Variants in ADAMTSL1 observed in about 807,000 individuals in gnomAD.
ADAMTSL1 encodes the protein ADAMTS-like protein 1.
ADAMTSL1 carries 126 observed loss-of-function variants against 201.8 expected under a neutral mutation model. That is an observed-to-expected ratio of 0.62 (90% CI 0.54 to 0.72). ADAMTSL1 has a LOEUF of 0.72. ADAMTSL1 is among the 30% of genes least tolerant of loss of function. The probability of loss-of-function intolerance (pLI) is 0.00; values close to 1 mark genes in which losing one functional copy is unlikely to be tolerated. For synonymous variants in ADAMTSL1, 1,121 were observed against 903.4 expected, an observed-to-expected ratio of 1.24 and a Z score of -4.32; for missense variants, 2,679 against 2,277.8, an observed-to-expected ratio of 1.18 and a Z score of -3.59.
intron 1 of ADAMTSL1, among the ~76,000 whole-genome samples, chr9:18,491,461 G>A (rs1476798537): frequency 6.6e-5 from 10 of 152,168 alleles, no homozygotes; most frequent in East Asian, 1.9e-4. Context: ...ATGCTTACAC[G>A]TTGAAAGCAC....
Position 18,910,485 on chromosome 9 carries a change from A to AACTC in ADAMTSL1, c.*1938_*1941dup, listed in dbSNP as rs1830541802. 1 of 152,206 alleles carries AACTC rather than the reference A, an allele frequency of 6.6e-6. No homozygotes were observed. The highest frequency in any genetic ancestry group is 6.5e-5 in the Admixed American group (1 of 15,290). 9.4% of individuals were successfully genotyped at this position (152,206 alleles called of 1,614,324 possible). ...CTATTTTTAATAGAACCTGGTGTTT[A>AACTC]ACTCTGGATCCATTCACTGTACAGG... is the stretch of plus-strand genomic sequence containing the variant. On this transcript the variant is annotated 3_prime_UTR_variant, in exon 29 of 29. Coordinates refer to ENST00000380548, the MANE Select transcript of ADAMTSL1 (RefSeq NM_001040272.6).
chr9:18,473,041 C>A (rs896144985), upstream of ADAMTSL1, among the ~76,000 whole-genome samples: 1 of 152,160 alleles, frequency 6.6e-6, no homozygotes, highest in South Asian at 2.1e-4. Context: ...CTGGCCTTGT[C>A]GTCATTTCAC....
At chr9:18,772,977 G>T (rs986289354) in intron 17 of ADAMTSL1, among the ~76,000 whole-genome samples, 5 of 152,172 alleles carry the variant, frequency 3.3e-5, no homozygotes, top group African/African-American at 1.2e-4. Flanking sequence ...TCACTGAATT[G>T]TTGGGATTAA....
At chr9:18,432,950 G>A (rs1819561543) in intron 2 of ADAMTSL1, among the ~76,000 whole-genome samples, 1 of 152,018 alleles carries the variant, frequency 6.6e-6, no homozygotes, top group South Asian at 2.1e-4. Context: ...ACTATGTAGA[G>A]GTTTTAATTT....
At chr9:18,186,832 A>AACAC (rs35993162) in intron 2 of ADAMTSL1, among the ~76,000 whole-genome samples, 196 of 149,630 alleles carry the variant, frequency 1.3e-3, no homozygotes, top group Middle Eastern at 3.5e-3. Flanking sequence ...ATCACTGTAC[A>AACAC]ACACACACAC....
At chr9:18,062,879 T>A (rs901961528) in intron 1 of ADAMTSL1, among the ~76,000 whole-genome samples, 29 of 152,326 alleles carry the variant, frequency 1.9e-4, no homozygotes, top group African/African-American at 7.0e-4. Flanking sequence ...CATGACCTCC[T>A]CCTTGGTTTT....
At chr9:18,319,197 A>C (rs1252647743) in intron 2 of ADAMTSL1, among the ~76,000 whole-genome samples, 5 of 152,128 alleles carry the variant, frequency 3.3e-5, no homozygotes, top group Non-Finnish European at 7.3e-5. Context: ...TGAGACCCCA[A>C]CTCTATTTAA....
intron 2 of ADAMTSL1, among the ~76,000 whole-genome samples, chr9:18,443,096 C>A (rs1270267993): frequency 6.6e-6 from 1 of 152,152 alleles, no homozygotes; most frequent in Non-Finnish European, 1.5e-5. Flanking sequence ...CCTGGATATA[C>A]CTCTCTCCAA....
At chr9:18,080,564 G>T (rs140471580) in intron 1 of ADAMTSL1, among the ~76,000 whole-genome samples, 1 of 152,186 alleles carries the variant, frequency 6.6e-6, no homozygotes, top group Non-Finnish European at 1.5e-5. Context: ...CTGGCTCTGC[G>T]ATCTGGGATA....
intron 1 of ADAMTSL1, among the ~76,000 whole-genome samples, chr9:18,031,685 T>C (rs1820962219): frequency 6.6e-6 from 1 of 152,180 alleles, no homozygotes; most frequent in African/African-American, 2.4e-5. Flanking sequence ...TGGAGCCTTT[T>C]CCAATCGTTG....
rs550479450 is a variant in ADAMTSL1 at position 18,805,819 on chromosome 9, A to T, written c.3805+10295A>T. On this transcript the variant is annotated intron_variant, in intron 20 of 28. Coordinates refer to ENST00000380548, the MANE Select transcript of ADAMTSL1 (RefSeq NM_001040272.6). ...TCATTAGATTTGGCTTCAGGATCTC[A>T]AACCTGTTTGCTGTTCGTGGGCCCT... Among the ~76,000 whole-genome samples, 5 of 152,174 alleles carry T rather than the reference A, an allele frequency of 3.3e-5. 1 individual carries two copies. Among genetic ancestry groups the T allele is most frequent in the Non-Finnish European group, 7.3e-5 (5 of 68,034 alleles).
intron 2 of ADAMTSL1, among the ~76,000 whole-genome samples, chr9:18,239,034 A>T (rs1830956493): frequency 6.6e-6 from 1 of 152,234 alleles, no homozygotes; most frequent in African/African-American, 2.4e-5. Context: ...TAATAGCATT[A>T]TGTCTATAAA....
At chr9:18,165,712 C>G (rs1827599661) in intron 2 of ADAMTSL1, among the ~76,000 whole-genome samples, 1 of 151,874 alleles carries the variant, frequency 6.6e-6, no homozygotes, top group Non-Finnish European at 1.5e-5. Context: ...TCTCAACTAC[C>G]AGAAGCTACT....
At position 18,757,196 on chromosome 9, in the gene ADAMTSL1, C is replaced by CT. The variant is rs1819821193; in HGVS notation, c.2217+3691dup. Reference sequence around the variant, plus strand: ...TTTATCCTTACCAATTTATTAATAGCTTTAATATCTTGTTAGTTTATATTT... The same window carrying CT: ...TTTATCCTTACCAATTTATTAATAGCTTTTAATATCTTGTTAGTTTATATTT... On this transcript the variant is annotated intron_variant, in intron 16 of 28. Transcript: ENST00000380548. Among the ~76,000 whole-genome samples the CT allele has an allele frequency of 3.9e-5, 6 of 152,244 alleles. No homozygotes were observed. In the South Asian group the frequency reaches 1.2e-3, roughly 32 times the overall value.
intron 4 of ADAMTSL1, among the ~76,000 whole-genome samples, chr9:18,598,856 A>G (rs543654518): frequency 1.3e-5 from 2 of 150,492 alleles, no homozygotes; most frequent in African/African-American, 4.9e-5. Context: ...AGTAACAGAT[A>G]TTTCAGAGAA....
intron 3 of ADAMTSL1, among the ~76,000 whole-genome samples, chr9:18,562,561 C>G (rs1033729334): frequency 6.6e-6 from 1 of 152,106 alleles, no homozygotes; most frequent in Non-Finnish European, 1.5e-5. Context: ...TGAATGTTGG[C>G]CTGTCTTGCT....
At chr9:18,281,961 T>A (rs1195310385) in intron 2 of ADAMTSL1, among the ~76,000 whole-genome samples, 2 of 152,250 alleles carry the variant, frequency 1.3e-5, no homozygotes, top group Admixed American at 6.5e-5. Context: ...TTTATTTTTT[T>A]AATTTAATTT....
At chr9:18,241,457 C>T (rs1831057926) in intron 2 of ADAMTSL1, among the ~76,000 whole-genome samples, 1 of 152,048 alleles carries the variant, frequency 6.6e-6, no homozygotes, top group African/African-American at 2.4e-5. Context: ...ATTTATCTTG[C>T]CTTTTGCAGT....
At chr9:18,075,219 C>T (rs1246752481) in intron 1 of ADAMTSL1, among the ~76,000 whole-genome samples, 2 of 152,070 alleles carry the variant, frequency 1.3e-5, no homozygotes, top group Admixed American at 6.5e-5. Flanking sequence ...TGCATCATTT[C>T]TTACTTAGTC....
Sources: gnomAD v4.1 joint callset for allele counts (sites outside exome capture counted in the v4.1 genomes callset) on GRCh38, gnomAD v4.1.1 for gene constraint, MANE v1.5 for transcripts, NCBI Gene and HGNC (gene_info 2026-07-23, HGNC 2026-07-21) for gene names.